XXYLT1: variants seen among roughly 807,000 people sequenced by gnomAD.
XXYLT1 encodes the protein xyloside xylosyltransferase 1.
XXYLT1 carries 20 observed loss-of-function variants against 28.9 expected under a neutral mutation model. That is an observed-to-expected ratio of 0.69 (90% CI 0.49 to 1.00). The LOEUF is 1.00. Ranked by LOEUF, XXYLT1 falls within the 50% of genes least tolerant of loss-of-function variation. The probability of loss-of-function intolerance (pLI) is 0.00; values close to 1 mark genes in which losing one functional copy is unlikely to be tolerated. For synonymous variants in XXYLT1, 257 were observed against 253.8 expected (o/e 1.01, Z -0.12); for missense variants, 542 against 560.1 (o/e 0.97, Z 0.33).
intron 1 of XXYLT1, among the ~76,000 whole-genome samples, chr3:195,231,701 T>G (rs1386211857): frequency 6.6e-6 from 1 of 152,202 alleles, no homozygotes; most frequent in African/African-American, 2.4e-5. Flanking sequence ...TTTGTGAACG[T>G]TGAACCATTC....
intron 1 of XXYLT1, among the ~76,000 whole-genome samples, chr3:195,247,112 G>T (rs2108834370): frequency 6.6e-6 from 1 of 152,208 alleles, no homozygotes; most frequent in African/African-American, 2.4e-5. Flanking sequence ...AAATTTTCCG[G>T]ACAGTAGAAG....
intron 3 of XXYLT1, among the ~76,000 whole-genome samples, chr3:195,086,427 T>C (rs374430459): frequency 6.6e-5 from 10 of 152,174 alleles, no homozygotes; most frequent in African/African-American, 2.4e-4. Flanking sequence ...TGTTTCCCTG[T>C]CTCCATGCAT....
At chr3:195,160,765 G>A (rs984056335) in intron 2 of XXYLT1, among the ~76,000 whole-genome samples, 1 of 152,148 alleles carries the variant, frequency 6.6e-6, no homozygotes, top group African/African-American at 2.4e-5. Context: ...CTGGCTTCTC[G>A]CACTGGAGGG....
intron 3 of XXYLT1, among the ~76,000 whole-genome samples, chr3:195,105,673 C>T (rs547720391): frequency 1.3e-5 from 2 of 152,356 alleles, no homozygotes; most frequent in South Asian, 2.1e-4. Context: ...CGTCCACTCA[C>T]GGGGCCACCG....
At chr3:195,259,477 G>A in intron 1 of XXYLT1, 1 of 663,400 alleles carries the variant, frequency 1.5e-6, no homozygotes, top group Non-Finnish European at 1.9e-6. Context: ...GGAAGGCTGT[G>A]AGGAAGGGCA....
At chr3:195,071,632 T>C (rs1318090204) in intron 3 of XXYLT1, among the ~76,000 whole-genome samples, 1 of 151,598 alleles carries the variant, frequency 6.6e-6, no homozygotes, top group East Asian at 2.0e-4. Flanking sequence ...TCAAGCAAAC[T>C]GAGATGCTGT....
intron 3 of XXYLT1, among the ~76,000 whole-genome samples, chr3:195,112,408 G>A (rs1717771877): frequency 6.7e-6 from 1 of 148,530 alleles, no homozygotes. Context: ...ACGTGCGCAC[G>A]TGCGCGCACA....
At chr3:195,075,857 C>T (rs1383795879) in intron 3 of XXYLT1, among the ~76,000 whole-genome samples, 3 of 152,214 alleles carry the variant, frequency 2.0e-5, no homozygotes, top group South Asian at 2.1e-4. Context: ...CAAGCGAGGT[C>T]GAGGCGCGGC....
At chr3:195,087,616 T>C (rs1715806865) in intron 3 of XXYLT1, among the ~76,000 whole-genome samples, 1 of 152,080 alleles carries the variant, frequency 6.6e-6, no homozygotes, top group African/African-American at 2.4e-5. Context: ...TGAATGAACA[T>C]AAAGAGTGGA....
intron 2 of XXYLT1, among the ~76,000 whole-genome samples, chr3:195,204,465 C>G (rs1722984116): frequency 7.2e-6 from 1 of 138,522 alleles, no homozygotes; most frequent in South Asian, 2.4e-4. Context: ...CACACACACA[C>G]TCACTCTCTC....
At chr3:195,083,969 C>T (rs377533110) in intron 3 of XXYLT1, among the ~76,000 whole-genome samples, 65 of 151,844 alleles carry the variant, frequency 4.3e-4, no homozygotes, top group African/African-American at 1.4e-3. Context: ...GAGGTTGCAG[C>T]GAGCCGAGAT....
Position 195,176,462 on chromosome 3 carries a change from A to G in XXYLT1, c.653-19881T>C, listed in dbSNP as rs1431885752. Among the ~76,000 whole-genome samples the G allele has an allele frequency of 1.3e-5, 2 of 152,210 alleles. No individual in the cohort carries two copies. Among genetic ancestry groups the G allele is most frequent in the African/African-American group, 4.8e-5 (2 of 41,438 alleles). The stretch of plus-strand genomic sequence containing the variant: ...ATGATCTGAAAAGAACTGGTATGAA[A>G]TGAGATGAGAAGCAGATCTTGAATA... On this transcript the variant is annotated intron_variant, in intron 2 of 3. Coordinates refer to ENST00000310380, the MANE Select transcript of XXYLT1 (RefSeq NM_152531.5). This position sits in a 1 kb window ranked among gnomAD's most constrained non-coding sequence, Gnocchi z 4.9.
intron 2 of XXYLT1, among the ~76,000 whole-genome samples, chr3:195,199,940 A>AAGTTAAGTT (rs893525607): frequency 3.3e-5 from 5 of 152,218 alleles, no homozygotes; most frequent in African/African-American, 1.2e-4. Context: ...ATTCCATGTC[A>AAGTTAAGTT]AGTTAAGTTG....
At chr3:195,214,428 A>G (rs1723466827) in intron 2 of XXYLT1, among the ~76,000 whole-genome samples, 2 of 151,752 alleles carry the variant, frequency 1.3e-5, no homozygotes, top group Admixed American at 1.3e-4. Flanking sequence ...ACCCATGTCC[A>G]TCCTAAACCA....
At chr3:195,270,263 A>C in intron 1 of XXYLT1, 1 of 582,482 alleles carries the variant, frequency 1.7e-6, no homozygotes. Flanking sequence ...CTGCAACGTT[A>C]GCAAAATGGG....
intron 2 of XXYLT1, among the ~76,000 whole-genome samples, chr3:195,201,905 G>A (rs960433417): frequency 6.6e-6 from 1 of 152,188 alleles, no homozygotes; most frequent in African/African-American, 2.4e-5. Flanking sequence ...AGGGCCGGGC[G>A]CGGTGGCTCA....
Position 195,150,357 on chromosome 3 carries a change from G to T in XXYLT1, c.785+6092C>A, listed in dbSNP as rs1337821434. 6.6e-6 allele frequency among the ~76,000 whole-genome samples: 1 copy of T among 152,080 alleles called. No individual in the cohort carries two copies. Among genetic ancestry groups the T allele is most frequent in the African/African-American group, 2.4e-5 (1 of 41,408 alleles). Reference sequence around the variant, plus strand: ...CCACACCCTCCCTTCTTCCCTCTGTGCTGGCGCTCACTCCCTCCCCAACAC... The same window carrying T: ...CCACACCCTCCCTTCTTCCCTCTGTTCTGGCGCTCACTCCCTCCCCAACAC... On this transcript the variant is annotated intron_variant, in intron 3 of 3. Transcript: ENST00000310380. The surrounding 1 kb of genome is among the most constrained non-coding windows in gnomAD (Gnocchi z 4.7).
chr3:195,073,481 TC>T (rs1218278655), intron 3 of XXYLT1, among the ~76,000 whole-genome samples: 2 of 152,018 alleles, frequency 1.3e-5, no homozygotes, highest in Admixed American at 1.3e-4. Context: ...GACTAACCCC[TC>T]CCCCCCTCAT....
intron 2 of XXYLT1, among the ~76,000 whole-genome samples, chr3:195,185,096 AGGAAGGAAG>A (rs1361176371): frequency 6.8e-5 from 3 of 43,802 alleles, no homozygotes; most frequent in Non-Finnish European, 1.4e-4. Context: ...GAAGGAAGGA[AGGAAGGAAG>A]GAAGGAAGGA....
Sources: allele counts gnomAD v4.1 joint callset (sites outside exome capture counted in the v4.1 genomes callset), GRCh38; gene constraint gnomAD v4.1.1; non-coding constraint Gnocchi (gnomAD v3.1); transcripts MANE v1.5; gene names NCBI Gene and HGNC (gene_info 2026-07-23, HGNC 2026-07-21).